Variants in PLEKHA5 observed in about 807,000 individuals in gnomAD.
PLEKHA5 encodes the protein pleckstrin homology domain-containing family A member 5.
Under a neutral mutation model 181.9 loss-of-function variants are expected in PLEKHA5, and 55 were observed. That is an observed-to-expected ratio of 0.30 (90% CI 0.24 to 0.38). The LOEUF is 0.38. Ranked by LOEUF, PLEKHA5 falls within the 10% of genes least tolerant of loss-of-function variation. The pLI, the probability that PLEKHA5 is intolerant of heterozygous loss-of-function variation, is 1.00. For synonymous variants in PLEKHA5, 535 were observed against 529.4 expected, an observed-to-expected ratio of 1.01 and a Z score of -0.15; for missense variants, 1,432 against 1,549.5, an observed-to-expected ratio of 0.92 and a Z score of 1.27.
intron 3 of PLEKHA5, among the ~76,000 whole-genome samples, chr12:19,148,197 C>G (rs1004282747): frequency 6.6e-6 from 1 of 152,192 alleles, no homozygotes; most frequent in African/African-American, 2.4e-5. Context: ...GCTGGCATTT[C>G]AGGCACCTGC....
chr12:19,273,105 C>G (rs1207976980), intron 10 of PLEKHA5, among the ~76,000 whole-genome samples: 1 of 152,062 alleles, frequency 6.6e-6, no homozygotes, highest in Non-Finnish European at 1.5e-5. Flanking sequence ...GACGGGGTCT[C>G]ACCATTTTGG....
rs56086557 is a variant in PLEKHA5, at chr12:19,167,405, A to ATTTTTTTTTTTTTT, written c.227+34971_227+34984dup. ...CACTCTGCAAGTCTTCTGAGGCTTA[A>ATTTTTTTTTTTTTT]TTTTTTTTTTTTTTTTTTTTTTTTT... On this transcript the variant is annotated intron_variant, in intron 3 of 31. Transcript: ENST00000429027. 5.5e-4 allele frequency among the ~76,000 whole-genome samples: 50 copies of ATTTTTTTTTTTTTT among 91,228 alleles called. 2 individuals carry two copies. The highest frequency in any genetic ancestry group is 1.4e-3 in the African/African-American group (30 of 22,102). The allele number at this position is 91,228 out of a possible 152,430, so 59.8% of individuals were successfully genotyped here.
intron 3 of PLEKHA5, among the ~76,000 whole-genome samples, chr12:19,241,029 A>G (rs2062475057): frequency 6.6e-6 from 1 of 152,174 alleles, no homozygotes; most frequent in Admixed American, 6.6e-5. Flanking sequence ...CTTGGATCAC[A>G]TTATCAGTGT....
rs775528909 is a variant in PLEKHA5 at position 19,283,654 on chromosome 12, C to A, written c.1688C>A (p.Ser563Tyr). 7 of 1,613,916 alleles carry A rather than the reference C, an allele frequency of 4.3e-6. No individual in the cohort carries two copies. The highest frequency in any genetic ancestry group is 1.3e-5 in the African/African-American group (1 of 74,936). Residue 563 changes from serine to tyrosine, a missense_variant, in exon 12 of 32, where the codon TCC becomes TAC. This residue lies in a region of PLEKHA5 where 1,143 missense variants were observed against 1,168.4 expected (regional missense o/e 0.98). Transcript: ENST00000429027. ...TCAATAGCTGCTTATCAGGGATACT[C>A]CCCTCAACGAACTTACAGATCGGAA... is the stretch of plus-strand genomic sequence containing the variant. ...HGSIAAYQGY[S>Y]PQRTYRSEVS... is the part of the protein sequence containing the mutation.
intron 7 of PLEKHA5, among the ~76,000 whole-genome samples, chr12:19,265,089 C>A (rs2152664959): frequency 6.6e-6 from 1 of 152,250 alleles, no homozygotes; most frequent in African/African-American, 2.4e-5. Context: ...AAAAAGCAGA[C>A]CTTCAAAGTT....
intron 3 of PLEKHA5, among the ~76,000 whole-genome samples, chr12:19,166,049 C>T (rs2044294130): frequency 6.6e-6 from 1 of 151,900 alleles, no homozygotes; most frequent in Non-Finnish European, 1.5e-5. Flanking sequence ...AAGGCAGTAA[C>T]TGCCCAAGGT....
At chr12:19,196,746 A>G (rs1389936962) in intron 3 of PLEKHA5, among the ~76,000 whole-genome samples, 1 of 151,516 alleles carries the variant, frequency 6.6e-6, no homozygotes, top group African/African-American at 2.4e-5. Flanking sequence ...GGTGGCTGCT[A>G]TCGTGTTGCT....
chr12:19,203,223 C>T (rs1180955314), intron 3 of PLEKHA5, among the ~76,000 whole-genome samples: 1 of 151,996 alleles, frequency 6.6e-6, no homozygotes, highest in East Asian at 1.9e-4. Flanking sequence ...TGAGTAAGTA[C>T]TATGCCGGTG....
chr12:19,132,499 A>G (rs1343520335), intron 3 of PLEKHA5, 49 bp downstream of exon 3: 1 of 904,970 alleles, frequency 1.1e-6, no homozygotes, highest in Non-Finnish European at 1.8e-6. Flanking sequence ...GAATGCTGTG[A>G]TTACTCCTCA....
At chr12:19,286,629 T>G (rs2077263563) in intron 12 of PLEKHA5, among the ~76,000 whole-genome samples, 1 of 152,138 alleles carries the variant, frequency 6.6e-6, no homozygotes, top group Non-Finnish European at 1.5e-5. Flanking sequence ...AAAGGGATCC[T>G]GAGGTCAAAG....
chr12:19,317,524 T>G (rs2089304954), intron 16 of PLEKHA5, among the ~76,000 whole-genome samples: 1 of 152,144 alleles, frequency 6.6e-6, no homozygotes. Context: ...TGAGCATTTT[T>G]TTTGCCATCT....
At chr12:19,319,625 C>A in intron 16 of PLEKHA5, 1 of 176,228 alleles carries the variant, frequency 5.7e-6, no homozygotes, top group South Asian at 1.3e-4. Context: ...GCAATGAGCC[C>A]CATTTAAATT....
At chr12:19,272,898 C>T (rs1169453547) in intron 10 of PLEKHA5, among the ~76,000 whole-genome samples, 1 of 152,112 alleles carries the variant, frequency 6.6e-6, no homozygotes, top group Non-Finnish European at 1.5e-5. Context: ...TGTAAATGTT[C>T]TATGCCTTCT....
At chr12:19,243,663 T>A (rs997424064) in intron 3 of PLEKHA5, among the ~76,000 whole-genome samples, 2 of 152,160 alleles carry the variant, frequency 1.3e-5, no homozygotes, top group African/African-American at 2.4e-5. Flanking sequence ...AAATGAAACA[T>A]TGAGGTTTGA....
chr12:19,184,389 A>T lies in PLEKHA5; in HGVS notation c.227+51939A>T, dbSNP rs576814634. Among the ~76,000 whole-genome samples the T allele has an allele frequency of 3.9e-5, 6 of 152,280 alleles. No individual in the cohort carries two copies. The South Asian group carries it at 1.0e-3, about 26-fold the overall frequency. On this transcript the variant is annotated intron_variant, in intron 3 of 31. Coordinates refer to ENST00000429027, the MANE Select transcript of PLEKHA5 (RefSeq NM_001256470.2). ...CTTTCTCATTAAACATTTGCTGGGG[A>T]CTTTTTATGTACTGGCTATTTGTAC...
intron 11 of PLEKHA5, among the ~76,000 whole-genome samples, chr12:19,276,760 G>A (rs2074643127): frequency 6.6e-6 from 1 of 152,112 alleles, no homozygotes; most frequent in Admixed American, 6.6e-5. Context: ...GAAAAGATTT[G>A]GGAAAAGAGA....
Position 19,206,244 on chromosome 12 carries a change from C to T in PLEKHA5, c.228-47696C>T, listed in dbSNP as rs576128486. ...CATGTTTTACCATGAAGTTAAAGGG[C>T]GATATTTTTATGCGTTTTCTCCATA... On this transcript the variant is annotated intron_variant, in intron 3 of 31. Coordinates refer to ENST00000429027, the MANE Select transcript of PLEKHA5 (RefSeq NM_001256470.2). 6.6e-5 allele frequency among the ~76,000 whole-genome samples: 10 copies of T among 151,440 alleles called. No individual in the cohort carries two copies. The South Asian group carries it at 1.5e-3, about 22-fold the overall frequency.
chr12:19,161,588 A>AG (rs1170728219), intron 3 of PLEKHA5, among the ~76,000 whole-genome samples: 1 of 152,172 alleles, frequency 6.6e-6, no homozygotes, highest in Non-Finnish European at 1.5e-5. Flanking sequence ...AGGTGATCCC[A>AG]GTGTGCAGCC....
chr12:19,313,242 G>A (rs774505128), intron 15 of PLEKHA5, among the ~76,000 whole-genome samples: 2 of 152,074 alleles, frequency 1.3e-5, no homozygotes, highest in African/African-American at 4.8e-5. Context: ...GGGCATGGTG[G>A]CATGTGCCTG....
Sources: gnomAD v4.1 joint callset for allele counts (sites outside exome capture counted in the v4.1 genomes callset) on GRCh38, gnomAD v4.1.1 for gene constraint, gnomAD v4.1.1 regional missense constraint, MANE v1.5 for transcripts, NCBI Gene and HGNC (gene_info 2026-07-23, HGNC 2026-07-21) for gene names.